Variants in LYPLAL1 observed in about 807,000 individuals in gnomAD.
LYPLAL1 encodes the protein lysophospholipase-like protein 1.
LYPLAL1 carries 23 observed loss-of-function variants against 19.7 expected under a neutral mutation model. That is an observed-to-expected ratio of 1.17 (90% CI 0.84 to 1.65). LYPLAL1 has a LOEUF of 1.65. LYPLAL1 is among the 40% of genes most tolerant of loss of function. The probability of loss-of-function intolerance (pLI) is 0.00; values close to 1 mark genes in which losing one functional copy is unlikely to be tolerated. For synonymous variants in LYPLAL1, 119 were observed against 96.3 expected, an observed-to-expected ratio of 1.24 and a Z score of -1.38; for missense variants, 355 against 279.4, an observed-to-expected ratio of 1.27 and a Z score of -1.93.
At chr1:219,180,954 T>G (rs1056001329) in intron 2 of LYPLAL1, among the ~76,000 whole-genome samples, 1 of 152,160 alleles carries the variant, frequency 6.6e-6, no homozygotes, top group African/African-American at 2.4e-5. Context: ...GTTACACAGT[T>G]TTATAACCAA....
At chr1:219,348,031 T>C in the LYPLAL1 span, among the ~76,000 whole-genome samples, 1 of 152,200 alleles carries the variant, frequency 6.6e-6, no homozygotes, top group Non-Finnish European at 1.5e-5. Context: ...GGTCTCCAAA[T>C]AGACTTTGTA....
chr1:219,361,965 G>T, the LYPLAL1 span, among the ~76,000 whole-genome samples: 1 of 152,086 alleles, frequency 6.6e-6, no homozygotes, highest in African/African-American at 2.4e-5. Context: ...GCTTGGCTTT[G>T]TCCCCCTGTT....
the LYPLAL1 span, among the ~76,000 whole-genome samples, chr1:219,223,401 CT>C: frequency 6.6e-6 from 1 of 152,120 alleles, no homozygotes; most frequent in Non-Finnish European, 1.5e-5. Flanking sequence ...CCTGCAAAAC[CT>C]TTATTCTTTG....
At chr1:219,322,387 A>G in the LYPLAL1 span, among the ~76,000 whole-genome samples, 2 of 152,198 alleles carry the variant, frequency 1.3e-5, no homozygotes, top group African/African-American at 4.8e-5. Flanking sequence ...TATAATAGTC[A>G]AAAGTAAATT....
chr1:219,226,431 C>T, the LYPLAL1 span, among the ~76,000 whole-genome samples: 1 of 152,060 alleles, frequency 6.6e-6, no homozygotes, highest in Non-Finnish European at 1.5e-5. Flanking sequence ...CATTCTGCTC[C>T]CACTCTGTCC....
At chr1:219,339,304 C>T in the LYPLAL1 span, among the ~76,000 whole-genome samples, 1 of 152,014 alleles carries the variant, frequency 6.6e-6, no homozygotes, top group Non-Finnish European at 1.5e-5. Context: ...CTTGATTTCT[C>T]TGAGCCTCAA....
downstream of LYPLAL1, among the ~76,000 whole-genome samples, chr1:219,217,407 T>TGTGTGTGTGTGTGTGA (rs1225833975): frequency 8.6e-6 from 1 of 116,156 alleles, no homozygotes; most frequent in Non-Finnish European, 1.9e-5. Context: ...TGTGTGTGTG[T>TGTGTGTGTGTGTGTGA]GAGAGATGGT....
chr1:219,324,286 A>C, the LYPLAL1 span, among the ~76,000 whole-genome samples: 1 of 152,210 alleles, frequency 6.6e-6, no homozygotes, highest in African/African-American at 2.4e-5. Context: ...AAGTGTGACC[A>C]CGAGTTCTCC....
chr1:219,320,724 AATG>A, the LYPLAL1 span, among the ~76,000 whole-genome samples: 1 of 152,088 alleles, frequency 6.6e-6, no homozygotes, highest in African/African-American at 2.4e-5. Context: ...GTTTGCTGAG[AATG>A]ATGGTTTCCA....
the LYPLAL1 span, among the ~76,000 whole-genome samples, chr1:219,376,375 A>G: frequency 1.3e-5 from 2 of 152,260 alleles, no homozygotes. Flanking sequence ...AAAATTATAA[A>G]ACCCTTAGAA....
chr1:219,413,634 T>G, the LYPLAL1 span, among the ~76,000 whole-genome samples: 2 of 152,190 alleles, frequency 1.3e-5, no homozygotes. Flanking sequence ...AGCTGTCTGT[T>G]GTCATTTGAA....
chr1:219,307,099 A>T, the LYPLAL1 span, among the ~76,000 whole-genome samples: 1 of 151,348 alleles, frequency 6.6e-6, no homozygotes, highest in Non-Finnish European at 1.5e-5. Flanking sequence ...TCATAAACTG[A>T]CTTTGAAAGT....
chr1:219,293,413 A>G, the LYPLAL1 span, among the ~76,000 whole-genome samples: 2 of 152,174 alleles, frequency 1.3e-5, no homozygotes, highest in African/African-American at 4.8e-5. Flanking sequence ...TAGTTTTTGT[A>G]TCCCTGGCTT....
chr1:219,182,726 A>G (rs1016028651), intron 2 of LYPLAL1, among the ~76,000 whole-genome samples: 2 of 152,070 alleles, frequency 1.3e-5, no homozygotes, highest in Admixed American at 6.6e-5. Flanking sequence ...TTGTAAACCC[A>G]TAAGTTTTTC....
intron 2 of LYPLAL1, among the ~76,000 whole-genome samples, chr1:219,179,829 C>T (rs1425145902): frequency 2.0e-5 from 3 of 152,134 alleles, no homozygotes; most frequent in Non-Finnish European, 4.4e-5. Flanking sequence ...GGTCAAACTA[C>T]TCTTTGTAAA....
At chr1:219,238,946 A>G in the LYPLAL1 span, among the ~76,000 whole-genome samples, 2 of 152,252 alleles carry the variant, frequency 1.3e-5, no homozygotes, top group Non-Finnish European at 2.9e-5. Flanking sequence ...TATGGCAAAT[A>G]TATCTTGAGT....
the LYPLAL1 span, among the ~76,000 whole-genome samples, chr1:219,348,301 G>A: frequency 6.6e-6 from 1 of 152,222 alleles, no homozygotes; most frequent in African/African-American, 2.4e-5. Flanking sequence ...GTTGGAAGGA[G>A]CTGCTGTAGT....
At chr1:219,233,749 G>C in the LYPLAL1 span, among the ~76,000 whole-genome samples, 689 of 145,314 alleles carry the variant, frequency 4.7e-3, 5 homozygotes, top group South Asian at 0.025. Flanking sequence ...CCCAGTCTCA[G>C]TGACAGAGAG....
chr1:219,187,338 G>A (rs1656810721), intron 2 of LYPLAL1, among the ~76,000 whole-genome samples: 1 of 151,468 alleles, frequency 6.6e-6, no homozygotes, highest in Admixed American at 6.6e-5. Flanking sequence ...AGCTAAGGTA[G>A]GGGCATAGTC....
Sources: gnomAD v4.1 joint callset for allele counts (sites outside exome capture counted in the v4.1 genomes callset) on GRCh38, gnomAD v4.1.1 for gene constraint, MANE v1.5 for transcripts, NCBI Gene and HGNC (gene_info 2026-07-23, HGNC 2026-07-21) for gene names.